Variants in ANKRD33B observed in about 807,000 individuals in gnomAD.
ANKRD33B encodes the protein ankyrin repeat domain-containing protein 33B.
A neutral mutation model predicts 21.5 loss-of-function variants in ANKRD33B; 6 were observed. The ratio of observed to expected loss-of-function variants is 0.28; its 90% confidence interval spans 0.15 to 0.55. The LOEUF (loss-of-function observed/expected upper bound fraction) is 0.55, where lower values mean the gene tolerates loss of function less well. Among genes scored for constraint, ANKRD33B ranks in the 20% least tolerant of loss-of-function variants. ANKRD33B has a pLI of 0.94. For missense variants in ANKRD33B, 698 were observed against 747.2 expected, an observed-to-expected ratio of 0.93 and a Z score of 0.77; for synonymous variants, 347 against 342.4, an observed-to-expected ratio of 1.01 and a Z score of -0.15.
intron 1 of ANKRD33B, among the ~76,000 whole-genome samples, chr5:10,611,128 A>G (rs996637780): frequency 1.3e-5 from 2 of 152,224 alleles, no homozygotes; most frequent in Non-Finnish European, 2.9e-5. Context: ...ATCAGAGCAT[A>G]CACAGCTGCA....
intron 3 of ANKRD33B, 71 bp from the exon 4 acceptor site, chr5:10,649,195 C>G (rs955772969): frequency 6.2e-6 from 9 of 1,460,192 alleles, no homozygotes; most frequent in East Asian, 5.0e-5. Flanking sequence ...TGCCTTTGCC[C>G]CAGGCTCTGC....
chr5:10,608,767 A>C (rs746755337), intron 1 of ANKRD33B, among the ~76,000 whole-genome samples: 1 of 152,214 alleles, frequency 6.6e-6, no homozygotes, highest in Non-Finnish European at 1.5e-5. Context: ...GCATTCCTAT[A>C]AAGGAAAAGA....
chr5:10,566,290 A>G lies in ANKRD33B; in HGVS notation c.366+1457A>G, dbSNP rs932124707. 3.9e-5 allele frequency among the ~76,000 whole-genome samples: 6 copies of G among 152,194 alleles called. No individual in the cohort carries two copies. In the East Asian group the frequency reaches 1.2e-3, roughly 29 times the overall value. On this transcript the variant is annotated intron_variant, in intron 1 of 3. Transcript: ENST00000296657. Reference sequence around the variant, plus strand: ...AATGCCTCCTCCCCCAGCCCTGGCGACAGATGCCCTGGCTGGCATGTGATT... The same window carrying G: ...AATGCCTCCTCCCCCAGCCCTGGCGGCAGATGCCCTGGCTGGCATGTGATT...
rs1736363468 is a variant in ANKRD33B, at chr5:10,619,418, CA to C, written c.496+960del. ...GTTGGGAAATGGCTGTTGCTGTCACCAAAAGGAGACCTCCTTGTCCCTTGTT... is the reference window on the plus strand; with the variant it reads ...GTTGGGAAATGGCTGTTGCTGTCACCAAAGGAGACCTCCTTGTCCCTTGTT... On this transcript the variant is annotated intron_variant, in intron 2 of 3. Transcript: ENST00000296657. This position sits in a 1 kb window ranked among gnomAD's most constrained non-coding sequence, Gnocchi z 4.5. 1 of 975,358 alleles carries C rather than the reference CA, an allele frequency of 1.0e-6. No homozygotes were observed. The highest frequency in any genetic ancestry group is 1.2e-6 in the Non-Finnish European group (1 of 820,922). The allele number at this position is 975,358 out of a possible 1,614,324, so 60.4% of individuals were successfully genotyped here. A position where few individuals can be genotyped will look rare whatever the true frequency, so the allele number is the denominator to read the frequency against.
At chr5:10,612,396 C>G (rs1006553335) in intron 1 of ANKRD33B, among the ~76,000 whole-genome samples, 25 of 152,194 alleles carry the variant, frequency 1.6e-4, no homozygotes, top group African/African-American at 5.8e-4. Flanking sequence ...ATAAGGGCAC[C>G]AATCCTATTT....
intron 2 of ANKRD33B, among the ~76,000 whole-genome samples, chr5:10,623,773 A>G (rs947797648): frequency 2.0e-5 from 3 of 152,224 alleles, no homozygotes; most frequent in Non-Finnish European, 4.4e-5. Flanking sequence ...GGTCTGGGCT[A>G]TCCTGAGGGC....
chr5:10,607,946 C>T (rs896064336), intron 1 of ANKRD33B, among the ~76,000 whole-genome samples: 1 of 152,162 alleles, frequency 6.6e-6, no homozygotes, highest in Non-Finnish European at 1.5e-5. Flanking sequence ...TCGTCTTAGG[C>T]GTCCTCTCGT....
chr5:10,598,340 C>T (rs1385192297), intron 1 of ANKRD33B, among the ~76,000 whole-genome samples: 2 of 152,194 alleles, frequency 1.3e-5, no homozygotes, highest in African/African-American at 4.8e-5. Context: ...AATCTCGGCT[C>T]ATGGCAACCT....
rs1014376929 is a variant in ANKRD33B at position 10,593,677 on chromosome 5, C to T, written c.367-24656C>T. Among the ~76,000 whole-genome samples the T allele has an allele frequency of 4.6e-5, 7 of 151,896 alleles. No individual in the cohort carries two copies. The East Asian group carries it at 5.8e-4, about 13-fold the overall frequency. ...GCCTCTCTCCAACCTCTTCTCCTCC[C>T]GGGCAGGGGGGCTAACATCAGACCC... On this transcript the variant is annotated intron_variant, in intron 1 of 3. Coordinates refer to ENST00000296657, the MANE Select transcript of ANKRD33B (RefSeq NM_001164440.2).
At chr5:10,620,240 G>A (rs977587252) in intron 2 of ANKRD33B, among the ~76,000 whole-genome samples, 3 of 152,150 alleles carry the variant, frequency 2.0e-5, no homozygotes, top group Non-Finnish European at 4.4e-5. Context: ...TGGTGATGCG[G>A]GCCATGGAGG....
intron 1 of ANKRD33B, among the ~76,000 whole-genome samples, chr5:10,582,073 T>C (rs958504306): frequency 6.6e-6 from 1 of 152,226 alleles, no homozygotes; most frequent in African/African-American, 2.4e-5. Flanking sequence ...CAGCCTCATG[T>C]GCAGAGTTCC....
At chr5:10,638,307 A>G (rs1736924085) in intron 3 of ANKRD33B, 139 bp downstream of exon 3, 2 of 1,170,050 alleles carry the variant, frequency 1.7e-6, no homozygotes, top group African/African-American at 3.1e-5. Context: ...CTTCACTGAC[A>G]TATACTTCTG....
At chr5:10,649,094 C>T (rs1318351128) in intron 3 of ANKRD33B, among the ~76,000 whole-genome samples, 172 bp from the exon 4 acceptor site, 3 of 121,514 alleles carry the variant, frequency 2.5e-5, no homozygotes, top group African/African-American at 9.6e-5. Flanking sequence ...GGCCCGCCTT[C>T]CGGCGCTCAG....
At chr5:10,577,078 TC>T (rs1735338849) in intron 1 of ANKRD33B, among the ~76,000 whole-genome samples, 1 of 151,840 alleles carries the variant, frequency 6.6e-6, no homozygotes, top group Admixed American at 6.6e-5. Context: ...CCCTTCCCTT[TC>T]CCCTTTCCCT....
intron 1 of ANKRD33B, among the ~76,000 whole-genome samples, chr5:10,571,885 C>CT (rs1735201816): frequency 3.0e-5 from 2 of 67,634 alleles, no homozygotes; most frequent in African/African-American, 8.5e-5. Flanking sequence ...TCCGTATTTT[C>CT]TTTTTTCTTT....
chr5:10,565,560 C>T (rs966838708), intron 1 of ANKRD33B, among the ~76,000 whole-genome samples: 1 of 152,226 alleles, frequency 6.6e-6, no homozygotes, highest in African/African-American at 2.4e-5. Context: ...CCGGGTAGGG[C>T]AGGAGGCGTG....
intron 1 of ANKRD33B, among the ~76,000 whole-genome samples, chr5:10,580,811 T>G (rs138946104): frequency 6.6e-6 from 1 of 152,278 alleles, no homozygotes; most frequent in African/African-American, 2.4e-5. Flanking sequence ...AGTGGCCTCC[T>G]CCCACTGCCT....
rs546734008 is a variant in ANKRD33B at position 10,564,681 on chromosome 5, G to T, written c.214G>T (p.Ala72Ser). Residue 72 changes from alanine (A) to serine (S), a missense_variant, in exon 1 of 4, where the codon GCG becomes TCG. By Grantham distance (99) the Ala-to-Ser change is moderately conservative. This residue lies in a region of ANKRD33B where 148 missense variants were observed against 154.9 expected (regional missense o/e 0.96). Transcript: ENST00000296657. ...CGAGGAGGAGCACGGCGTCGAGAGC[G>T]CGGAGAGCGTCCCGGAGGGCGTCCC... ...EDEEEHGVES[A>S]ESVPEGVPES... 40 of 1,534,602 alleles carry T rather than the reference G, an allele frequency of 2.6e-5. No individual in the cohort carries two copies. In the Admixed American group the frequency reaches 4.9e-4, roughly 19 times the overall value.
intron 1 of ANKRD33B, among the ~76,000 whole-genome samples, chr5:10,585,906 C>T (rs925496404): frequency 2.0e-5 from 3 of 152,142 alleles, no homozygotes; most frequent in Admixed American, 2.0e-4. Flanking sequence ...AGTCCTTCGC[C>T]CATCCCAGAG....
Sources: gnomAD v4.1 joint callset for allele counts (sites outside exome capture counted in the v4.1 genomes callset) on GRCh38, gnomAD v4.1.1 for gene constraint, gnomAD v4.1.1 regional missense constraint, Gnocchi (gnomAD v3.1) non-coding constraint, MANE v1.5 for transcripts, NCBI Gene and HGNC (gene_info 2026-07-23, HGNC 2026-07-21) for gene names.